Variants in CACNA1B observed in about 807,000 individuals in gnomAD.
The protein encoded by CACNA1B is voltage-dependent N-type calcium channel subunit alpha-1B.
In CACNA1B, 70 loss-of-function variants were observed where a neutral mutation model predicts 247.2. That is an observed-to-expected ratio of 0.28 (90% CI 0.23 to 0.35). The LOEUF (loss-of-function observed/expected upper bound fraction) is 0.35. Ranked by LOEUF, CACNA1B falls within the 10% of genes least tolerant of loss-of-function variation. The pLI is 1.00. For synonymous variants in CACNA1B, 1,231 were observed against 1,294.4 expected (o/e 0.95, Z 1.05); for missense variants, 2,367 against 3,197.4 (o/e 0.74, Z 6.26).
At chr9:137,936,315 CT>C (rs917771695) in intron 6 of CACNA1B, among the ~76,000 whole-genome samples, 10 of 152,270 alleles carry the variant, frequency 6.6e-5, no homozygotes, top group Admixed American at 3.3e-4. Context: ...CCTTTGCCCA[CT>C]TTTTGATGGG....
chr9:137,983,738 C>T (rs1958320421), intron 12 of CACNA1B, among the ~76,000 whole-genome samples: 1 of 152,058 alleles, frequency 6.6e-6, no homozygotes, highest in Non-Finnish European at 1.5e-5. Flanking sequence ...TCAGGGCTGT[C>T]TGAAAGTTTG....
intron 10 of CACNA1B, among the ~76,000 whole-genome samples, chr9:137,969,694 C>A (rs566537850): frequency 1.3e-5 from 2 of 152,166 alleles, no homozygotes; most frequent in East Asian, 1.9e-4. Context: ...CTCATTGGAT[C>A]TTCAAAAGTG....
intron 12 of CACNA1B, among the ~76,000 whole-genome samples, chr9:137,978,493 T>A (rs1008997009): frequency 7.4e-6 from 1 of 135,308 alleles, no homozygotes; most frequent in African/African-American, 2.8e-5. Context: ...AGGAGTGCCC[T>A]CCCATGAAGG....
intron 39 of CACNA1B, among the ~76,000 whole-genome samples, chr9:138,108,649 T>C (rs1291631490): frequency 6.6e-6 from 1 of 151,088 alleles, no homozygotes; most frequent in African/African-American, 2.5e-5. Context: ...TTAAGCAAAC[T>C]GAATTTTTTT....
In CACNA1B at chr9:138,124,083, G is replaced by GA. The variant is rs1305445809; in HGVS notation, c.*2085dup. 1 of 152,328 alleles carries GA rather than the reference G, an allele frequency of 6.6e-6. No homozygotes were observed. The highest frequency in any genetic ancestry group is 1.9e-4 in the East Asian group (1 of 5,192). The allele number at this position is 152,328 out of a possible 1,614,324, so 9.4% of individuals were successfully genotyped here. ...CATTGGAATTGATGAAAACTACAGGGAGCGGGGAAAGGAGACATTATGTCT... is the reference window on the plus strand; with the variant it reads ...CATTGGAATTGATGAAAACTACAGGGAAGCGGGGAAAGGAGACATTATGTCT... On this transcript the variant is annotated 3_prime_UTR_variant, in exon 47 of 47. Transcript: ENST00000371372.
Position 138,120,689 on chromosome 9 carries a change from GCGGGAACGAGAGCGC to G in CACNA1B, c.6301_6315del (p.Glu2101_Arg2105del). ...CGGGAGAGGGGCCTACAGGCTGCCG[GCGGGAACGAGAGCGC>G]CGGCAGGAGCGGGGCCGGTCCCAGG... is the stretch of plus-strand genomic sequence containing the variant. On this transcript the variant is annotated inframe_deletion, in exon 46 of 47. Transcript: ENST00000371372. 1 of 1,516,388 alleles carries G rather than the reference GCGGGAACGAGAGCGC, an allele frequency of 6.6e-7. No homozygotes were observed. Among genetic ancestry groups the G allele is most frequent in the South Asian group, 1.3e-5 (1 of 78,854 alleles). The allele number at this position is 1,516,388 out of a possible 1,614,324, so 93.9% of individuals were successfully genotyped here.
At chr9:138,080,460 T>G (rs1335636082) in intron 36 of CACNA1B, among the ~76,000 whole-genome samples, 2 of 152,158 alleles carry the variant, frequency 1.3e-5, no homozygotes, top group African/African-American at 4.8e-5. Flanking sequence ...TGCAAGATCA[T>G]TACATTAACA....
intron 6 of CACNA1B, among the ~76,000 whole-genome samples, chr9:137,945,056 T>C (rs2133324716): frequency 6.6e-6 from 1 of 152,344 alleles, no homozygotes; most frequent in Admixed American, 6.5e-5. Flanking sequence ...ATGGGATTTC[T>C]GACAATTTAC....
In CACNA1B at chr9:137,955,619, G is replaced by A. The variant is rs1315935872; in HGVS notation, c.1071-79G>A. On this transcript the variant is annotated intron_variant, in intron 7 of 46. Coordinates refer to ENST00000371372, the MANE Select transcript of CACNA1B (RefSeq NM_000718.4). This position sits in a 1 kb window ranked among gnomAD's most constrained non-coding sequence, Gnocchi z 6.9. ...GCGTCTCCTGTCCCAGGCTTTCCCT[G>A]GTCCTTTTTGTCTCTGGGGCTGCAC... is the stretch of plus-strand genomic sequence containing the variant. 4.2e-6 allele frequency: 4 copies of A among 943,484 alleles called. No homozygotes were observed. The East Asian group carries it at 1.0e-4, about 25-fold the overall frequency. The allele number at this position is 943,484 out of a possible 1,614,324, so 58.4% of individuals were successfully genotyped here. A position where few individuals can be genotyped will look rare whatever the true frequency, so the allele number is the denominator to read the frequency against.
intron 32 of CACNA1B, among the ~76,000 whole-genome samples, chr9:138,070,703 T>C (rs566504475): frequency 2.6e-5 from 4 of 152,340 alleles, no homozygotes; most frequent in African/African-American, 9.6e-5. Context: ...TCTGCACGCA[T>C]CCAGCTCGTG....
chr9:138,115,068 C>T (rs997001798), intron 41 of CACNA1B, among the ~76,000 whole-genome samples: 2 of 152,142 alleles, frequency 1.3e-5, no homozygotes, highest in Non-Finnish European at 2.9e-5. Context: ...ATATGTGGTG[C>T]TCAGGCCACA....
At chr9:138,028,000 T>TCTCATTTC (rs1440475459) in intron 20 of CACNA1B, among the ~76,000 whole-genome samples, 1 of 150,400 alleles carries the variant, frequency 6.6e-6, no homozygotes, top group Non-Finnish European at 1.5e-5. Flanking sequence ...TAAAAGAGGG[T>TCTCATTTC]CTCATTTCCA....
chr9:138,003,723 C>T (rs1200155177), intron 15 of CACNA1B, among the ~76,000 whole-genome samples: 1 of 146,780 alleles, frequency 6.8e-6, no homozygotes, highest in Non-Finnish European at 1.5e-5. Flanking sequence ...AGGCAGGGCA[C>T]AGAAGAGATC....
Position 138,119,292 on chromosome 9 carries a change from G to A in CACNA1B, c.6030+524G>A, listed in dbSNP as rs182989601. Among the ~76,000 whole-genome samples, 554 of 152,250 alleles carry A rather than the reference G, an allele frequency of 3.6e-3. 2 individuals carry two copies. The highest frequency in any genetic ancestry group is 5.8e-3 in the Non-Finnish European group (397 of 67,992). ...ACATGCACACTGGATTCAGGAAGAGGAAGCTCTGGCCCCATGTGTTTCCCG... is the reference window on the plus strand; with the variant it reads ...ACATGCACACTGGATTCAGGAAGAGAAAGCTCTGGCCCCATGTGTTTCCCG... On this transcript the variant is annotated intron_variant, in intron 44 of 46. Transcript: ENST00000371372.
rs117558665 is a variant in CACNA1B at position 137,951,542 on chromosome 9, G to T, written c.967-732G>T. Among the ~76,000 whole-genome samples the T allele has an allele frequency of 2.8e-4, 42 of 152,342 alleles. No individual in the cohort carries two copies. The East Asian group carries it at 8.1e-3, about 29-fold the overall frequency. The stretch of plus-strand genomic sequence containing the variant: ...CCACCACCCTCCTGGTTTCTCTCCA[G>T]CACCAGACTTGCAGGGAGAAAGAGG... On this transcript the variant is annotated intron_variant, in intron 6 of 46. Transcript: ENST00000371372.
rs1218373543 is a variant in CACNA1B at position 138,023,328 on chromosome 9, C to A, written c.2585C>A (p.Ala862Glu). ...HRHRDKDKTP[A>E]AGDQDRAEAP... is the part of the protein sequence containing the mutation. ...CACCGCGACAAGGACAAGACCCCCGCGGCGGGGGACCAGGACCGAGCAGAG... is the reference window on the plus strand; with the variant it reads ...CACCGCGACAAGGACAAGACCCCCGAGGCGGGGGACCAGGACCGAGCAGAG... The change falls in exon 19 of 47, where the codon GCG becomes GAG. Residue 862 changes from alanine to glutamate, a missense_variant. Physicochemically the swap from Ala to Glu is moderately radical, Grantham distance 107. This residue lies in a region of CACNA1B where 631 missense variants were observed against 631.1 expected (regional missense o/e 1.00). Transcript: ENST00000371372. The A allele has an allele frequency of 1.3e-6, 2 of 1,496,506 alleles. No individual in the cohort carries two copies. The highest frequency in any genetic ancestry group is 1.2e-5 in the South Asian group (1 of 80,478). The allele number at this position is 1,496,506 out of a possible 1,614,324, so 92.7% of individuals were successfully genotyped here.
intron 34 of CACNA1B, among the ~76,000 whole-genome samples, chr9:138,074,585 A>G (rs1413225847): frequency 1.3e-5 from 2 of 152,222 alleles, no homozygotes; most frequent in Non-Finnish European, 2.9e-5. Flanking sequence ...GGAGGAGGAC[A>G]TGGAGGCACC....
At chr9:138,039,407 T>C (rs1959088861) in intron 20 of CACNA1B, among the ~76,000 whole-genome samples, 2 of 152,190 alleles carry the variant, frequency 1.3e-5, no homozygotes, top group Non-Finnish European at 2.9e-5. Flanking sequence ...AATTATTTGC[T>C]TCTACTGCAT....
intron 20 of CACNA1B, among the ~76,000 whole-genome samples, chr9:138,031,256 T>A (rs1480214335): frequency 6.6e-6 from 1 of 152,190 alleles, no homozygotes; most frequent in Non-Finnish European, 1.5e-5. Flanking sequence ...GTTTAAAAAA[T>A]TTCCTTTGAG....
Sources: allele counts gnomAD v4.1 joint callset (sites outside exome capture counted in the v4.1 genomes callset), GRCh38; gene constraint gnomAD v4.1.1; regional missense constraint gnomAD v4.1.1; non-coding constraint Gnocchi (gnomAD v3.1); transcripts MANE v1.5; gene names NCBI Gene and HGNC (gene_info 2026-07-23, HGNC 2026-07-21).